The following WDR11 variants were observed in gnomAD, a reference collection of about 807,000 sequenced individuals.
The protein encoded by WDR11 is WD repeat domain 11, also known as WD repeat-containing protein 11.
In WDR11, 83 loss-of-function variants were observed where a neutral mutation model predicts 151.2. The ratio of observed to expected loss-of-function variants is 0.55; its 90% CI spans 0.46 to 0.66. The LOEUF is 0.66. Ranked by LOEUF, WDR11 falls within the 30% of genes least tolerant of loss-of-function variation. The probability of loss-of-function intolerance (pLI) is 0.00; values close to 1 mark genes in which losing one functional copy is unlikely to be tolerated. For synonymous variants in WDR11, 484 were observed against 533.1 expected (o/e 0.91, Z 1.27); for missense variants, 1,301 against 1,480.9 (o/e 0.88, Z 1.99).
intron 19 of WDR11, among the ~76,000 whole-genome samples, chr10:120,894,029 A>G (rs534752943): frequency 4.0e-5 from 6 of 151,594 alleles, no homozygotes; most frequent in Admixed American, 2.0e-4. Context: ...ATTAGATCCC[A>G]TTTGTCAATT....
rs575185663 is a variant in WDR11 at position 120,889,105 on chromosome 10, G to A, written c.2149G>A (p.Ala717Thr). Residue 717 changes from alanine (A) to threonine (T), a missense_variant, in exon 17 of 29, where the codon GCT becomes ACT. By Grantham distance (58) the Ala-to-Thr change is moderately conservative. Around this residue, in one of 3 missense-constraint regions of WDR11, gnomAD observed 589 missense variants for 670.6 expected, o/e 0.88. Transcript: ENST00000263461. ...AAGTATGGGTAGTATTACCTGCATC[G>A]CTTGGAAAGGTGATACATTAGTGCT... ...DGSMGSITCIAWKGDTLVLGD... is the reference protein window; with the variant it reads ...DGSMGSITCITWKGDTLVLGD... 1.2e-5 allele frequency: 19 copies of A among 1,613,742 alleles called. No homozygotes were observed. Among genetic ancestry groups the A allele is most frequent in the South Asian group, 1.1e-4 (10 of 91,054 alleles).
At position 120,890,883 on chromosome 10, in the gene WDR11, A is replaced by C. The variant is rs1847409244; in HGVS notation, c.2511A>C (p.Leu837Phe). The C allele has an allele frequency of 6.2e-7, 1 of 1,614,064 alleles. No individual in the cohort carries two copies. Among genetic ancestry groups the C allele is most frequent in the Non-Finnish European group, 8.5e-7 (1 of 1,180,022 alleles). Reference protein sequence around the residue: ...SACFRMDEQELTEPVWCPYLL... With the variant: ...SACFRMDEQEFTEPVWCPYLL... ...GCTTTAGAATGGATGAACAAGAGTT[A>C]ACCGGTATGGAATCCTAATGATAGG... is the stretch of plus-strand genomic sequence containing the variant. The change falls in exon 19 of 29, where the codon TTA (leucine) becomes TTC (phenylalanine). Residue 837 changes from leucine (L) to phenylalanine (F), a missense_variant. Physicochemically the swap from Leu to Phe is conservative, Grantham distance 22. Around this residue, in one of 3 missense-constraint regions of WDR11, gnomAD observed 589 missense variants for 670.6 expected, o/e 0.88. Transcript: ENST00000263461.
At position 120,851,397 on chromosome 10, in the gene WDR11, C is replaced by A; in HGVS notation, c.-24C>A. On this transcript the variant is annotated 5_prime_UTR_variant, in exon 1 of 29. Coordinates refer to ENST00000263461, the MANE Select transcript of WDR11 (RefSeq NM_018117.12). ...CCGCTTCCTGGTTGCGGGTCAGCGC[C>A]CAGGTCCTGGGCTGGCCGCCGGGAT... The A allele has an allele frequency of 6.2e-7, 1 of 1,600,528 alleles. No homozygotes were observed. The highest frequency in any genetic ancestry group is 2.2e-5 in the East Asian group (1 of 44,452).
intron 19 of WDR11, among the ~76,000 whole-genome samples, chr10:120,898,371 T>A (rs189794452): frequency 6.6e-6 from 1 of 152,356 alleles, no homozygotes; most frequent in Admixed American, 6.5e-5. Flanking sequence ...TCAAACATAT[T>A]TAAAAGTTAT....
At chr10:120,882,926 T>G (rs1162423075) in intron 13 of WDR11, among the ~76,000 whole-genome samples, 2 of 152,152 alleles carry the variant, frequency 1.3e-5, no homozygotes, top group African/African-American at 4.8e-5. Context: ...TTAAGTTGAT[T>G]CTCTAAAATG....
chr10:120,865,307 C>T, intron 6 of WDR11, 95 bp downstream of exon 6: 1 of 1,259,096 alleles, frequency 7.9e-7, no homozygotes, highest in South Asian at 1.3e-5. Context: ...CTTCAGTTCT[C>T]CACTTTCTCT....
chr10:120,906,012 C>G lies in WDR11; in HGVS notation c.3428C>G (p.Thr1143Arg). 1 of 1,613,730 alleles carries G rather than the reference C, an allele frequency of 6.2e-7. No homozygotes were observed. The change falls in exon 27 of 29, where the codon ACG (threonine) becomes AGG (arginine). Residue 1143 changes from threonine (T) to arginine (R), a missense_variant. Coordinates refer to ENST00000263461, the MANE Select transcript of WDR11 (RefSeq NM_018117.12). The stretch of plus-strand genomic sequence containing the variant: ...GGCTGCTTTTTTAGCGTGGCAGAGA[C>G]GCTTCACAGGTAAACCGAGAGTTCA... ...SLGCFFSVAE[T>R]LHSMRYFDRA...
Position 120,899,819 on chromosome 10 carries a change from A to G in WDR11, c.2516-210A>G, listed in dbSNP as rs193026627. ...AAAATAAAAAATCAAAAAAGGGGGA[A>G]AAGAAAAATATGTTAATCAGATTTG... On this transcript the variant is annotated intron_variant, in intron 19 of 28. Transcript: ENST00000263461. 9.6e-5 allele frequency: 56 copies of G among 586,364 alleles called. No homozygotes were observed. In the East Asian group the frequency reaches 1.6e-3, roughly 16 times the overall value. The allele number at this position is 586,364 out of a possible 1,614,324, so 36.3% of individuals were successfully genotyped here.
intron 21 of WDR11, 128 bp from the exon 22 acceptor site, chr10:120,902,129 G>C: frequency 2.5e-6 from 2 of 804,774 alleles, no homozygotes; most frequent in South Asian, 2.9e-5. Context: ...AAAGTACCTT[G>C]TCTTGTGTAA....
At chr10:120,859,542 C>T (rs7094005) in intron 3 of WDR11, among the ~76,000 whole-genome samples, 1 of 152,188 alleles carries the variant, frequency 6.6e-6, no homozygotes, top group East Asian at 1.9e-4. Context: ...GCTGGGATTA[C>T]AGGCGTGAAC....
intron 3 of WDR11, 25 bp from the exon 4 acceptor site, chr10:120,860,084 G>C: frequency 6.2e-7 from 1 of 1,613,970 alleles, no homozygotes; most frequent in Non-Finnish European, 8.5e-7. Flanking sequence ...TCTGAATTTT[G>C]CCTTTCTTTA....
At chr10:120,864,991 T>C (rs1659469704) in intron 5 of WDR11, 56 bp from the exon 6 acceptor site, 2 of 1,572,890 alleles carry the variant, frequency 1.3e-6, no homozygotes, top group Non-Finnish European at 1.7e-6. Context: ...TTAAATCTTT[T>C]ATTAGGTCTG....
At position 120,851,388 on chromosome 10, in the gene WDR11, G is replaced by GGT; in HGVS notation, c.-32_-31dup. Reference sequence around the variant, plus strand: ...CAGTGTCCGCCGCTTCCTGGTTGCGGGTCAGCGCCCAGGTCCTGGGCTGGC... The same window carrying GGT: ...CAGTGTCCGCCGCTTCCTGGTTGCGGGTGTCAGCGCCCAGGTCCTGGGCTGGC... On this transcript the variant is annotated 5_prime_UTR_variant, in exon 1 of 29. Transcript: ENST00000263461. 6.3e-7 allele frequency: 1 copy of GGT among 1,590,868 alleles called. No homozygotes were observed. The highest frequency in any genetic ancestry group is 8.6e-7 in the Non-Finnish European group (1 of 1,168,350).
At chr10:120,868,134 T>C (rs552295576) in intron 9 of WDR11, among the ~76,000 whole-genome samples, 2 of 152,266 alleles carry the variant, frequency 1.3e-5, no homozygotes, top group Non-Finnish European at 2.9e-5. Flanking sequence ...TTTGTTGTTG[T>C]TGAAACGCTA....
chr10:120,907,691 A>G (rs1335579441), intron 28 of WDR11: 1 of 149,474 alleles, frequency 6.7e-6, no homozygotes, highest in East Asian at 2.0e-4. Context: ...TTCTGCCCAG[A>G]CTGGAGTGAG....
At position 120,880,807 on chromosome 10, in the gene WDR11, T is replaced by A. The variant is rs573089420; in HGVS notation, c.1664-19T>A. 39 of 1,588,932 alleles carry A rather than the reference T, an allele frequency of 2.5e-5. No homozygotes were observed. The highest frequency in any genetic ancestry group is 1.0e-4 in the South Asian group (9 of 88,220). On this transcript the variant is annotated intron_variant, in intron 12 of 28. Transcript: ENST00000263461. The stretch of plus-strand genomic sequence containing the variant: ...GTTTTATGCACTGTTCTCACTTTTT[T>A]AAATATTTGCAATTAAAGGTAGGAG...
chr10:120,894,469 C>T (rs1252309331), intron 19 of WDR11, among the ~76,000 whole-genome samples: 2 of 152,094 alleles, frequency 1.3e-5, no homozygotes, highest in Non-Finnish European at 2.9e-5. Context: ...AACGATCTGG[C>T]GCAATGAAGA....
chr10:120,877,321 C>T (rs1228604027), intron 11 of WDR11, among the ~76,000 whole-genome samples: 1 of 152,132 alleles, frequency 6.6e-6, no homozygotes, highest in East Asian at 1.9e-4. Context: ...ATGAATTTTT[C>T]CTCTTCATTG....
At chr10:120,890,978 T>C (rs958533791) in intron 19 of WDR11, 91 bp downstream of exon 19, 1 of 1,319,650 alleles carries the variant, frequency 7.6e-7, no homozygotes, top group African/African-American at 1.5e-5. Context: ...TGCTTCTGTT[T>C]CATTTCAGTC....
Sources: gnomAD v4.1 joint callset for allele counts (sites outside exome capture counted in the v4.1 genomes callset) on GRCh38, gnomAD v4.1.1 for gene constraint, gnomAD v4.1.1 regional missense constraint, MANE v1.5 for transcripts, NCBI Gene and HGNC (gene_info 2026-07-23, HGNC 2026-07-21) for gene names.